Variants in NCKAP5 observed in about 807,000 individuals in gnomAD.
The protein encoded by NCKAP5 is nck-associated protein 5.
NCKAP5 carries 92 observed loss-of-function variants against 167.0 expected under a neutral mutation model. The observed-to-expected ratio is 0.55, with a 90% CI of 0.47 to 0.66. NCKAP5 has a LOEUF of 0.66. NCKAP5 is among the 30% of genes least tolerant of loss of function. NCKAP5 has a pLI of 0.00. For missense variants in NCKAP5, 2,378 were observed against 2,315.0 expected (o/e 1.03, Z -0.56); for synonymous variants, 891 against 877.4 (o/e 1.02, Z -0.27).
At chr2:133,607,027 G>A in the NCKAP5 span, among the ~76,000 whole-genome samples, 2 of 152,118 alleles carry the variant, frequency 1.3e-5, no homozygotes, top group Non-Finnish European at 2.9e-5. Flanking sequence ...TGAAGGACCT[G>A]AGACCATCAT....
At chr2:133,407,178 T>C (rs568035250) in intron 3 of NCKAP5, among the ~76,000 whole-genome samples, 1 of 152,378 alleles carries the variant, frequency 6.6e-6, no homozygotes, top group Non-Finnish European at 1.5e-5. Flanking sequence ...GAATTTCGTC[T>C]TAACTTGCAA....
chr2:133,452,981 G>A (rs921012823), intron 3 of NCKAP5, among the ~76,000 whole-genome samples: 4 of 152,058 alleles, frequency 2.6e-5, no homozygotes, highest in Non-Finnish European at 5.9e-5. Context: ...TATTACCATT[G>A]CTACCTAAAT....
At chr2:133,521,390 G>A (rs940919293) in intron 2 of NCKAP5, among the ~76,000 whole-genome samples, 3 of 152,176 alleles carry the variant, frequency 2.0e-5, no homozygotes, top group African/African-American at 7.2e-5. Flanking sequence ...CATTTCTAGT[G>A]CAAACTAAAA....
In NCKAP5 at chr2:133,533,660, T is replaced by C. The variant is rs112033473; in HGVS notation, c.-61-16073A>G. 1.4e-3 allele frequency among the ~76,000 whole-genome samples: 219 copies of C among 152,308 alleles called. 2 individuals are homozygous for C. The highest frequency in any genetic ancestry group is 4.8e-3 in the African/African-American group (200 of 41,560). On this transcript the variant is annotated intron_variant, in intron 2 of 19. Coordinates refer to ENST00000409261, the MANE Select transcript of NCKAP5 (RefSeq NM_207363.3). ...TATTCAAAGATGATTTACTCTCCTT[T>C]TACATGAAGTCAAAATGTGGAAGCA...
intron 6 of NCKAP5, among the ~76,000 whole-genome samples, chr2:133,024,631 T>C (rs2078634660): frequency 6.6e-6 from 1 of 152,302 alleles, no homozygotes; most frequent in South Asian, 2.1e-4. Flanking sequence ...ACAACAGCTG[T>C]GGAAGAAAGT....
At chr2:132,738,479 G>T (rs923434310) in intron 16 of NCKAP5, among the ~76,000 whole-genome samples, 9 of 152,192 alleles carry the variant, frequency 5.9e-5, no homozygotes, top group Admixed American at 5.2e-4. Flanking sequence ...TGAGAACTAA[G>T]TTCTTACTAA....
intron 6 of NCKAP5, among the ~76,000 whole-genome samples, chr2:133,098,040 T>C (rs1574022570): frequency 6.6e-6 from 1 of 152,216 alleles, no homozygotes; most frequent in Non-Finnish European, 1.5e-5. Context: ...TGCATATGTT[T>C]AGAAAACACA....
chr2:133,479,234 G>A (rs1327524383), intron 3 of NCKAP5, among the ~76,000 whole-genome samples: 1 of 152,098 alleles, frequency 6.6e-6, no homozygotes, highest in Non-Finnish European at 1.5e-5. Flanking sequence ...TCGAAGGAGA[G>A]GAATTAATAA....
chr2:132,755,207 G>T lies in NCKAP5; in HGVS notation c.5128+18609C>A, dbSNP rs139337880. ...GACAATCTGGGAGGAAGAGGATGAAGGCACTGAATGGGTAGCAAGTTGAAG... is the reference window on the plus strand; with the variant it reads ...GACAATCTGGGAGGAAGAGGATGAATGCACTGAATGGGTAGCAAGTTGAAG... On this transcript the variant is annotated intron_variant, in intron 16 of 19. Coordinates refer to ENST00000409261, the MANE Select transcript of NCKAP5 (RefSeq NM_207363.3). Among the ~76,000 whole-genome samples, 249 of 152,322 alleles carry T rather than the reference G, an allele frequency of 1.6e-3. 3 individuals are homozygous for T. Among genetic ancestry groups the T allele is most frequent in the African/African-American group, 5.7e-3 (236 of 41,580 alleles).
At chr2:133,134,093 C>T (rs1038035304) in intron 5 of NCKAP5, among the ~76,000 whole-genome samples, 6 of 152,164 alleles carry the variant, frequency 3.9e-5, no homozygotes, top group African/African-American at 1.4e-4. Flanking sequence ...AAAACTCCAC[C>T]CAGTTGAACT....
intron 2 of NCKAP5, among the ~76,000 whole-genome samples, chr2:133,548,246 A>C (rs374887775): frequency 0.018 from 2,725 of 152,194 alleles, 91 homozygotes; most frequent in African/African-American, 0.062. Context: ...CCAAATCTAC[A>C]TCTGATTGGT....
chr2:132,740,944 A>G (rs1377042643), intron 16 of NCKAP5, among the ~76,000 whole-genome samples: 1 of 152,152 alleles, frequency 6.6e-6, no homozygotes, highest in Non-Finnish European at 1.5e-5. Context: ...TCTCAGGCTA[A>G]GTTGGTATCC....
Position 132,677,907 on chromosome 2 carries a change from G to A in NCKAP5, c.5714-4602C>T, listed in dbSNP as rs563322273. Among the ~76,000 whole-genome samples, 5 of 152,178 alleles carry A rather than the reference G, an allele frequency of 3.3e-5. No individual in the cohort carries two copies. In the South Asian group the frequency reaches 1.0e-3, roughly 32 times the overall value. On this transcript the variant is annotated intron_variant, in intron 19 of 19. Coordinates refer to ENST00000409261, the MANE Select transcript of NCKAP5 (RefSeq NM_207363.3). ...GGCCAGAGTCAGCTATACTTTCCAC[G>A]CGATATTTATGGAATCTGTGATTCA...
intron 4 of NCKAP5, among the ~76,000 whole-genome samples, chr2:133,275,808 C>T (rs2089701579): frequency 6.6e-6 from 1 of 150,672 alleles, no homozygotes; most frequent in Non-Finnish European, 1.5e-5. Flanking sequence ...AATCTAGTTG[C>T]CTTTCTTTTT....
At chr2:133,343,828 TC>T (rs1683764379) in intron 3 of NCKAP5, among the ~76,000 whole-genome samples, 1 of 151,974 alleles carries the variant, frequency 6.6e-6, no homozygotes, top group South Asian at 2.1e-4. Context: ...AGCTTGGGAG[TC>T]GGAAGGATGT....
intron 3 of NCKAP5, among the ~76,000 whole-genome samples, chr2:133,349,311 G>T (rs1410686125): frequency 6.6e-6 from 1 of 152,158 alleles, no homozygotes; most frequent in Non-Finnish European, 1.5e-5. Flanking sequence ...GTTAACGGGA[G>T]GAAAACTGCA....
chr2:132,978,461 A>T (rs72614500), intron 7 of NCKAP5, among the ~76,000 whole-genome samples: 7,205 of 152,244 alleles, frequency 0.047, 433 homozygotes, highest in East Asian at 0.36. Context: ...CTACTGGGAC[A>T]TCTGTGACAT....
intron 8 of NCKAP5, among the ~76,000 whole-genome samples, chr2:132,951,890 T>C (rs936615519): frequency 6.6e-6 from 1 of 152,192 alleles, no homozygotes; most frequent in Non-Finnish European, 1.5e-5. Context: ...CTTCAGTAAG[T>C]TACTTTGAAG....
chr2:132,673,392 A>G, intron 19 of NCKAP5, 87 bp from the exon 20 acceptor site: 1 of 1,153,034 alleles, frequency 8.7e-7, no homozygotes, highest in Non-Finnish European at 1.2e-6. Context: ...GTCTGTATAA[A>G]GTACAGTTTA....
Sources: gnomAD v4.1 joint callset for allele counts (sites outside exome capture counted in the v4.1 genomes callset) on GRCh38, gnomAD v4.1.1 for gene constraint, MANE v1.5 for transcripts, NCBI Gene and HGNC (gene_info 2026-07-23, HGNC 2026-07-21) for gene names.